RPGRIP1L: variants seen among roughly 807,000 people sequenced by gnomAD.
RPGRIP1L encodes the protein RPGRIP1 like.
Under a neutral mutation model 160.4 loss-of-function variants are expected in RPGRIP1L, and 131 were observed. The ratio of observed to expected loss-of-function variants is 0.82; its 90% CI spans 0.71 to 0.94. The LOEUF is 0.94. RPGRIP1L is among the 40% of genes least tolerant of loss of function. The pLI is 0.00. For synonymous variants in RPGRIP1L, 510 were observed against 515.8 expected (o/e 0.99, Z 0.15); for missense variants, 1,522 against 1,535.8 (o/e 0.99, Z 0.15).
chr16:53,660,559 A>T (rs1160923560), intron 10 of RPGRIP1L, among the ~76,000 whole-genome samples: 2 of 150,664 alleles, frequency 1.3e-5, no homozygotes, highest in African/African-American at 4.8e-5. Context: ...AAAAAAATAA[A>T]AAAATAAAAA....
chr16:53,695,767 T>C (rs1013936969), intron 3 of RPGRIP1L: 7 of 349,212 alleles, frequency 2.0e-5, no homozygotes, highest in South Asian at 1.6e-4. Context: ...CTTAAGGGAA[T>C]GTGCATTCTA....
rs145807002 is a variant in RPGRIP1L, at chr16:53,645,857, G to A, written c.2451C>T (p.Tyr817=). 78 of 1,613,994 alleles carry A rather than the reference G, an allele frequency of 4.8e-5. No individual in the cohort carries two copies. Among genetic ancestry groups the A allele is most frequent in the Non-Finnish European group, 6.5e-5 (77 of 1,180,024 alleles). The change falls in exon 17 of 27, where the codon TAC becomes TAT. Residue 817 remains tyrosine (Y), a synonymous_variant. Transcript: ENST00000647211. ...CATGGTCTGCAAAATCAAAAAACTT[G>A]TACACAACATATGGGTGTGGCTGCA... is the stretch of plus-strand genomic sequence containing the variant. ...SHLQPHPYVV[Y]KFFDFADHDT...
At chr16:53,605,850 T>G (rs1197037573) in intron 25 of RPGRIP1L, among the ~76,000 whole-genome samples, 1 of 152,338 alleles carries the variant, frequency 6.6e-6, no homozygotes, top group African/African-American at 2.4e-5. Context: ...TTAACATTTA[T>G]CTCTATAATC....
chr16:53,643,448 G>A (rs1156900331), intron 17 of RPGRIP1L, among the ~76,000 whole-genome samples: 1 of 152,118 alleles, frequency 6.6e-6, no homozygotes, highest in Non-Finnish European at 1.5e-5. Context: ...CTGTCCCTGG[G>A]TGAATGAGAG....
chr16:53,653,287 A>G, intron 14 of RPGRIP1L: 1 of 978,870 alleles, frequency 1.0e-6, no homozygotes, highest in Non-Finnish European at 1.2e-6. Flanking sequence ...TGAGATAACT[A>G]CCTGGATTTC....
At chr16:53,659,815 G>A (rs1176603357) in intron 10 of RPGRIP1L, 1 of 152,246 alleles carries the variant, frequency 6.6e-6, no homozygotes, top group Non-Finnish European at 1.5e-5. Context: ...GGGGAGTTGA[G>A]GCTGCAGTGA....
intron 16 of RPGRIP1L, among the ~76,000 whole-genome samples, chr16:53,646,874 G>C (rs181548834): frequency 6.6e-6 from 1 of 152,278 alleles, no homozygotes; most frequent in East Asian, 1.9e-4. Context: ...AATCTCCTTA[G>C]TGGACAAATC....
At chr16:53,648,619 C>CGT (rs910759748) in intron 16 of RPGRIP1L, among the ~76,000 whole-genome samples, 14 of 83,380 alleles carry the variant, frequency 1.7e-4, no homozygotes, top group African/African-American at 3.3e-4. Context: ...CGCGTGCGCG[C>CGT]GCGCGCGCAC....
At chr16:53,680,505 A>C (rs990948841) in intron 6 of RPGRIP1L, among the ~76,000 whole-genome samples, 3 of 152,056 alleles carry the variant, frequency 2.0e-5, no homozygotes, top group Non-Finnish European at 4.4e-5. Flanking sequence ...AACTAAATGC[A>C]ACAACACGTG....
intron 4 of RPGRIP1L, among the ~76,000 whole-genome samples, chr16:53,689,644 G>C (rs1049329030): frequency 2.6e-5 from 4 of 152,164 alleles, no homozygotes; most frequent in African/African-American, 7.2e-5. Context: ...TGGCCAGAGA[G>C]GGGTTTTAGG....
At chr16:53,613,858 A>G (rs951199721) in intron 24 of RPGRIP1L, among the ~76,000 whole-genome samples, 1 of 152,208 alleles carries the variant, frequency 6.6e-6, no homozygotes, top group African/African-American at 2.4e-5. Context: ...CATTTTACAG[A>G]TGATTAAATA....
At chr16:53,659,701 C>A (rs764812142) in intron 10 of RPGRIP1L, 3 of 151,848 alleles carry the variant, frequency 2.0e-5, no homozygotes, top group Non-Finnish European at 4.4e-5. Flanking sequence ...CTGGGCAACA[C>A]AGGGAGATCT....
At chr16:53,640,309 A>C (rs539518932) in intron 19 of RPGRIP1L, among the ~76,000 whole-genome samples, 1 of 152,330 alleles carries the variant, frequency 6.6e-6, no homozygotes, top group Non-Finnish European at 1.5e-5. Flanking sequence ...TTAAACATTC[A>C]TTGCACATTA....
At chr16:53,660,886 A>G (rs1406863845) in intron 10 of RPGRIP1L, among the ~76,000 whole-genome samples, 1 of 145,050 alleles carries the variant, frequency 6.9e-6, no homozygotes, top group East Asian at 2.0e-4. Flanking sequence ...GAGTGAGACT[A>G]CATCTAAAAA....
chr16:53,642,316 C>T (rs1310852823), intron 17 of RPGRIP1L, among the ~76,000 whole-genome samples: 1 of 152,038 alleles, frequency 6.6e-6, no homozygotes, highest in Admixed American at 6.5e-5. Flanking sequence ...TACTCAGCCT[C>T]CGGAGTAGCT....
chr16:53,660,686 G>A (rs989654950), intron 10 of RPGRIP1L, among the ~76,000 whole-genome samples: 1 of 151,786 alleles, frequency 6.6e-6, no homozygotes, highest in African/African-American at 2.4e-5. Flanking sequence ...GCGAGGTCAG[G>A]AGTTCGAGAC....
chr16:53,624,851 G>C (rs190462981), intron 22 of RPGRIP1L, among the ~76,000 whole-genome samples: 1 of 145,366 alleles, frequency 6.9e-6, no homozygotes, highest in Non-Finnish European at 1.5e-5. Flanking sequence ...ATCTCGGCTC[G>C]CTGCAACCTC....
rs202201818 is a variant in RPGRIP1L at position 53,657,554 on chromosome 16, A to C, written c.1480T>G (p.Ser494Ala). The change falls in exon 13 of 27, where the codon TCT (serine) becomes GCT (alanine). Residue 494 changes from serine to alanine, a missense_variant. Physicochemically the swap from Ser to Ala is moderately conservative, Grantham distance 99. Coordinates refer to ENST00000647211, the MANE Select transcript of RPGRIP1L (RefSeq NM_015272.5). ...TGAGTTGCTTGCAGCTCTCTCATAG[A>C]GCGTTCTAGATCTTTATTAATTTCA... ...DSEINKDLER[S>A]MRELQATHAE... The C allele has an allele frequency of 9.6e-5, 154 of 1,606,920 alleles. No homozygotes were observed. Among genetic ancestry groups the C allele is most frequent in the Non-Finnish European group, 1.2e-4 (140 of 1,173,974 alleles).
rs773648456 is a variant in RPGRIP1L, at chr16:53,622,368, A to G, written c.3295-12T>C. The G allele has an allele frequency of 9.7e-6, 6 of 617,954 alleles. No individual in the cohort carries two copies. The highest frequency in any genetic ancestry group is 5.7e-5 in the South Asian group (3 of 52,370). The allele number at this position is 617,954 out of a possible 1,614,324, so 38.3% of individuals were successfully genotyped here. On this transcript the variant is annotated splice_polypyrimidine_tract_variant and intron_variant, in intron 22 of 26. Coordinates refer to ENST00000647211, the MANE Select transcript of RPGRIP1L (RefSeq NM_015272.5). ...GACAATGCGAGACTCTGTCTCAAAA[A>G]AAAAAAAAAAATCTTAAGATTAAGA...
Sources: gnomAD v4.1 joint callset for allele counts (sites outside exome capture counted in the v4.1 genomes callset) on GRCh38, gnomAD v4.1.1 for gene constraint, MANE v1.5 for transcripts, NCBI Gene and HGNC (gene_info 2026-07-23, HGNC 2026-07-21) for gene names.